The following FNDC3B variants were observed in gnomAD, a reference collection of about 807,000 sequenced individuals.
FNDC3B encodes the protein fibronectin type III domain containing 3B.
FNDC3B carries 12 observed loss-of-function variants against 151.5 expected under a neutral mutation model. The observed-to-expected ratio is 0.08, with a 90% CI of 0.05 to 0.13. The LOEUF (loss-of-function observed/expected upper bound fraction) is 0.13, where lower values mean the gene tolerates loss of function less well. Among genes scored for constraint, FNDC3B ranks in the 10% least tolerant of loss-of-function variants. The probability of loss-of-function intolerance (pLI) is 1.00; values close to 1 mark genes in which losing one functional copy is unlikely to be tolerated. For missense variants in FNDC3B, 1,214 were observed against 1,505.3 expected (o/e 0.81, Z 3.20); for synonymous variants, 528 against 549.0 (o/e 0.96, Z 0.54).
intron 4 of FNDC3B, among the ~76,000 whole-genome samples, chr3:172,239,571 AT>A (rs369555065): frequency 1.4e-3 from 212 of 152,098 alleles, no homozygotes; most frequent in African/African-American, 4.4e-3. Flanking sequence ...GAATCTGCCC[AT>A]TTCCTGGATC....
At chr3:172,281,844 G>A (rs1328435285) in intron 6 of FNDC3B, among the ~76,000 whole-genome samples, 1 of 152,072 alleles carries the variant, frequency 6.6e-6, no homozygotes, top group South Asian at 2.1e-4. Flanking sequence ...GCTTATTTTT[G>A]TGAGGGGATC....
At chr3:172,299,621 C>CT (rs35874144) in intron 9 of FNDC3B, among the ~76,000 whole-genome samples, 2,817 of 149,538 alleles carry the variant, frequency 0.019, 88 homozygotes, top group African/African-American at 0.065. Flanking sequence ...CATTGTTTCC[C>CT]TTTTTTTTTT....
chr3:172,150,292 C>CA (rs113948505), intron 3 of FNDC3B, among the ~76,000 whole-genome samples: 2,558 of 151,750 alleles, frequency 0.017, 61 homozygotes, highest in African/African-American at 0.051. Context: ...CGTTGCACTT[C>CA]AAAAAAAATT....
intron 3 of FNDC3B, among the ~76,000 whole-genome samples, chr3:172,182,702 C>A (rs57866420): frequency 6.6e-6 from 1 of 152,040 alleles, no homozygotes; most frequent in African/African-American, 2.4e-5. Flanking sequence ...TGAATGTATC[C>A]TCCATGTTTT....
At chr3:172,091,933 G>A (rs1668805065) in intron 1 of FNDC3B, among the ~76,000 whole-genome samples, 1 of 150,282 alleles carries the variant, frequency 6.7e-6, no homozygotes, top group Non-Finnish European at 1.5e-5. Context: ...GGGTAGGGGA[G>A]TGCTGTAACA....
At chr3:172,174,944 C>CCCCCCCCCCCCCCCCCCCCCCG (rs924176605) in intron 3 of FNDC3B, among the ~76,000 whole-genome samples, 1 of 50,650 alleles carries the variant, frequency 2.0e-5, no homozygotes, top group Non-Finnish European at 5.1e-5. Context: ...CCCCCCCCCC[C>CCCCCCCCCCCCCCCCCCCCCCG]CCAATACAAT....
chr3:172,325,724 G>A (rs945692045), intron 11 of FNDC3B, among the ~76,000 whole-genome samples: 1 of 152,142 alleles, frequency 6.6e-6, no homozygotes, highest in South Asian at 2.1e-4. Context: ...TGGAGCCAGT[G>A]GCCTTCTCCA....
chr3:172,202,121 G>C (rs1725186357), intron 3 of FNDC3B, among the ~76,000 whole-genome samples: 1 of 152,196 alleles, frequency 6.6e-6, no homozygotes, highest in African/African-American at 2.4e-5. Context: ...ACATATGCCA[G>C]ATTTCCAGAC....
intron 4 of FNDC3B, 113 bp from the exon 5 acceptor site, chr3:172,247,420 T>G (rs1727834390): frequency 1.7e-6 from 2 of 1,201,622 alleles, no homozygotes; most frequent in Non-Finnish European, 2.3e-6. Flanking sequence ...CATGCATTTG[T>G]TTTTTTCTAT....
At chr3:172,208,638 G>T (rs1459836069) in intron 3 of FNDC3B, among the ~76,000 whole-genome samples, 1 of 152,008 alleles carries the variant, frequency 6.6e-6, no homozygotes, top group Non-Finnish European at 1.5e-5. Flanking sequence ...GATCCTTCGG[G>T]TGTCACTTCA....
chr3:172,178,659 A>G (rs1292810537), intron 3 of FNDC3B, among the ~76,000 whole-genome samples: 2 of 152,228 alleles, frequency 1.3e-5, no homozygotes. Flanking sequence ...CAGCCGGGGC[A>G]TCCCTGGGAC....
At chr3:172,248,165 C>T (rs1193966805) in intron 5 of FNDC3B, among the ~76,000 whole-genome samples, 1 of 152,116 alleles carries the variant, frequency 6.6e-6, no homozygotes, top group Non-Finnish European at 1.5e-5. Context: ...TATGATCTAC[C>T]AGTTAAAGGG....
chr3:172,162,516 G>A (rs1196216390), intron 3 of FNDC3B, among the ~76,000 whole-genome samples: 1 of 152,154 alleles, frequency 6.6e-6, no homozygotes, highest in African/African-American at 2.4e-5. Context: ...GAGTGGAATT[G>A]CTGGGCCTTA....
At chr3:172,119,158 A>G (rs186961563) in intron 2 of FNDC3B, among the ~76,000 whole-genome samples, 5 of 135,890 alleles carry the variant, frequency 3.7e-5, no homozygotes, top group Admixed American at 1.6e-4. Flanking sequence ...TGACACAGTG[A>G]GACTCTGCCT....
At chr3:172,104,317 A>T (rs1268796642) in intron 1 of FNDC3B, among the ~76,000 whole-genome samples, 1 of 152,020 alleles carries the variant, frequency 6.6e-6, no homozygotes, top group Non-Finnish European at 1.5e-5. Context: ...TAATTACTGA[A>T]GTTCAGAGCT....
chr3:172,143,374 A>G (rs1721725990), intron 3 of FNDC3B, among the ~76,000 whole-genome samples: 1 of 152,156 alleles, frequency 6.6e-6, no homozygotes, highest in East Asian at 1.9e-4. Context: ...CATGCTTTTA[A>G]TAACTTTATT....
rs181689078 is a variant in FNDC3B at position 172,364,035 on chromosome 3, C to T, written c.3008+1190C>T. ...TGGTAATTTTTATGACAGAACAAAA[C>T]GTGATTATCCTCTTGGAAATTAGTT... On this transcript the variant is annotated intron_variant, in intron 23 of 25. Coordinates refer to ENST00000415807, the MANE Select transcript of FNDC3B (RefSeq NM_022763.4). Among the ~76,000 whole-genome samples, 242 of 152,288 alleles carry T rather than the reference C, an allele frequency of 1.6e-3. 1 individual carries two copies. Among genetic ancestry groups the T allele is most frequent in the Admixed American group, 0.014 (217 of 15,294 alleles).
intron 1 of FNDC3B, among the ~76,000 whole-genome samples, chr3:172,043,909 TAGAA>T (rs1304606337): frequency 2.0e-5 from 3 of 152,330 alleles, no homozygotes; most frequent in African/African-American, 7.2e-5. Flanking sequence ...AAGTCACTAA[TAGAA>T]AGCTGAAAAA....
intron 15 of FNDC3B, 157 bp downstream of exon 15, chr3:172,335,239 G>A: frequency 1.7e-6 from 1 of 571,888 alleles, no homozygotes; most frequent in Non-Finnish European, 2.8e-6. Flanking sequence ...AACATCCTGA[G>A]AATTCTACAA....
Sources: gnomAD v4.1 joint callset for allele counts (sites outside exome capture counted in the v4.1 genomes callset) on GRCh38, gnomAD v4.1.1 for gene constraint, MANE v1.5 for transcripts, NCBI Gene and HGNC (gene_info 2026-07-23, HGNC 2026-07-21) for gene names.